Variants in GPR141 observed in about 807,000 individuals in gnomAD.
GPR141 encodes the protein probable G protein-coupled receptor 141.
In GPR141, 6 loss-of-function variants were observed where a neutral mutation model predicts 6.8. The observed-to-expected ratio is 0.88, with a 90% CI of 0.48 to 1.74. The LOEUF is 1.74. Ranked by LOEUF, GPR141 falls within the 40% of genes most tolerant of loss-of-function variation. The pLI is 0.01. For missense variants in GPR141, 372 were observed against 372.9 expected (o/e 1.00, Z 0.02); for synonymous variants, 140 against 142.3 (o/e 0.98, Z 0.11).
At chr7:37,729,677 T>G (rs1583569946) in intron 2 of GPR141, among the ~76,000 whole-genome samples, 1 of 152,184 alleles carries the variant, frequency 6.6e-6, no homozygotes. Context: ...CCCGGGGGCC[T>G]GAAGGGCTTG....
At chr7:37,734,716 A>G (rs1040825702) in intron 2 of GPR141, among the ~76,000 whole-genome samples, 2 of 152,206 alleles carry the variant, frequency 1.3e-5, no homozygotes, top group East Asian at 3.9e-4. Context: ...TACCAAGTAG[A>G]TCTTACCTAG....
rs753778300 is a variant in GPR141, at chr7:37,741,077, A to G, written c.684A>G (p.Leu228=). The G allele has an allele frequency of 3.9e-5, 63 of 1,613,860 alleles. 1 individual carries two copies. In the South Asian group the frequency reaches 5.2e-4, roughly 13 times the overall value. ...HQEFWAQLKN[L]FFIGVILVCF... ...AGTTCTGGGCTCAGCTGAAAAACCT[A>G]TTTTTTATAGGGGTCATCCTTGTTT... is the stretch of plus-strand genomic sequence containing the variant. The change falls in exon 3 of 3, where the codon CTA becomes CTG. Residue 228 remains leucine, a synonymous_variant. Transcript: ENST00000334425.
intron 2 of GPR141, among the ~76,000 whole-genome samples, chr7:37,721,204 A>G (rs1490115128): frequency 6.7e-6 from 1 of 149,376 alleles, no homozygotes; most frequent in East Asian, 1.9e-4. Context: ...TTGTTAGTTG[A>G]GTGAACCCAG....
chr7:37,692,077 A>G (rs977402333), intron 2 of GPR141, among the ~76,000 whole-genome samples: 9 of 152,094 alleles, frequency 5.9e-5, no homozygotes, highest in Non-Finnish European at 1.3e-4. Flanking sequence ...TGCATGTGCC[A>G]TGGTGGTTTG....
At chr7:37,720,602 G>A (rs1367982686) in intron 2 of GPR141, among the ~76,000 whole-genome samples, 1 of 152,050 alleles carries the variant, frequency 6.6e-6, no homozygotes, top group East Asian at 1.9e-4. Flanking sequence ...TTAGCCAGGG[G>A]TGGTGGTGGG....
intron 2 of GPR141, among the ~76,000 whole-genome samples, chr7:37,697,330 G>C (rs765289606): frequency 2.3e-4 from 35 of 152,322 alleles, no homozygotes; most frequent in Non-Finnish European, 4.7e-4. Context: ...AATGGAAAAA[G>C]AACATTGAGT....
chr7:37,739,783 G>T (rs1357933356), intron 2 of GPR141, among the ~76,000 whole-genome samples: 1 of 152,092 alleles, frequency 6.6e-6, no homozygotes. Context: ...GCTTAGCAAG[G>T]CCTCACTCAC....
At chr7:37,704,210 C>T (rs1810418606) in intron 2 of GPR141, among the ~76,000 whole-genome samples, 1 of 151,620 alleles carries the variant, frequency 6.6e-6, no homozygotes, top group Non-Finnish European at 1.5e-5. Context: ...AGTAAGTAGA[C>T]TGTGTCTTTC....
rs1812557447 is a variant in GPR141 at position 37,741,365 on chromosome 7, T to A, written c.*54T>A. ...CCTTTATATTGGGAATAAAAATGGG[T>A]ATAGGGGAGGTAAGAATGGTATTTC... On this transcript the variant is annotated 3_prime_UTR_variant, in exon 3 of 3. Coordinates refer to ENST00000334425, the MANE Select transcript of GPR141 (RefSeq NM_001381946.1). 20 of 1,291,902 alleles carry A rather than the reference T, an allele frequency of 1.5e-5. No individual in the cohort carries two copies. The highest frequency in any genetic ancestry group is 4.5e-5 in the Admixed American group (2 of 44,132). 80.0% of individuals were successfully genotyped at this position (1,291,902 alleles called of 1,614,324 possible). A position where few individuals can be genotyped will look rare whatever the true frequency, so the allele number is the denominator to read the frequency against.
intron 2 of GPR141, among the ~76,000 whole-genome samples, chr7:37,698,965 T>G (rs1810151348): frequency 6.6e-6 from 1 of 152,208 alleles, no homozygotes; most frequent in South Asian, 2.1e-4. Flanking sequence ...AAGGTGGGAT[T>G]TGAAGCCAGA....
intron 2 of GPR141, among the ~76,000 whole-genome samples, chr7:37,729,438 G>GC (rs1439292322): frequency 1.3e-5 from 2 of 152,144 alleles, no homozygotes; most frequent in African/African-American, 4.8e-5. Context: ...TCCAAATGTG[G>GC]CCATATCCAA....
intron 2 of GPR141, among the ~76,000 whole-genome samples, chr7:37,714,562 G>A (rs1308187162): frequency 1.3e-5 from 2 of 152,136 alleles, no homozygotes; most frequent in Non-Finnish European, 2.9e-5. Flanking sequence ...ACTAGTGGTC[G>A]TTTACCTAAC....
At chr7:37,718,406 C>G (rs1191363817) in intron 2 of GPR141, among the ~76,000 whole-genome samples, 1 of 151,866 alleles carries the variant, frequency 6.6e-6, no homozygotes, top group Non-Finnish European at 1.5e-5. Context: ...ACTCTAGCTA[C>G]TTGAGAGGCT....
At chr7:37,690,808 C>A (rs1809724508) in intron 2 of GPR141, among the ~76,000 whole-genome samples, 1 of 150,784 alleles carries the variant, frequency 6.6e-6, no homozygotes, top group African/African-American at 2.4e-5. Flanking sequence ...ATGAAATGTT[C>A]TGTAAATATC....
rs1467114138 is a variant in GPR141, at chr7:37,741,360, A to G, written c.*49A>G. ...TGCTTCCTTTATATTGGGAATAAAA[A>G]TGGGTATAGGGGAGGTAAGAATGGT... On this transcript the variant is annotated 3_prime_UTR_variant, in exon 3 of 3. Coordinates refer to ENST00000334425, the MANE Select transcript of GPR141 (RefSeq NM_001381946.1). The G allele has an allele frequency of 3.7e-6, 5 of 1,354,778 alleles. No individual in the cohort carries two copies. The highest frequency in any genetic ancestry group is 5.1e-6 in the Non-Finnish European group (5 of 983,242). The allele number at this position is 1,354,778 out of a possible 1,614,324, so 83.9% of individuals were successfully genotyped here.
chr7:37,728,089 C>T (rs1434547080), intron 2 of GPR141, among the ~76,000 whole-genome samples: 1 of 152,200 alleles, frequency 6.6e-6, no homozygotes, highest in East Asian at 1.9e-4. Context: ...CTTCAATGCA[C>T]CCTTCAAGAT....
intron 2 of GPR141, among the ~76,000 whole-genome samples, chr7:37,729,156 A>G (rs1811789322): frequency 6.6e-6 from 1 of 152,182 alleles, no homozygotes; most frequent in South Asian, 2.1e-4. Flanking sequence ...AAGGGCTTAC[A>G]TGTCATGGTA....
chr7:37,705,409 T>G (rs1810482072), intron 2 of GPR141, among the ~76,000 whole-genome samples: 1 of 152,196 alleles, frequency 6.6e-6, no homozygotes, highest in Non-Finnish European at 1.5e-5. Context: ...TTTATAATAT[T>G]ATTTCTATAA....
chr7:37,689,936 C>A (rs2131727867), intron 2 of GPR141, among the ~76,000 whole-genome samples: 1 of 151,020 alleles, frequency 6.6e-6, no homozygotes. Context: ...TTTCCTTCTT[C>A]TAATTTGGGG....
Sources: gnomAD v4.1 joint callset for allele counts (sites outside exome capture counted in the v4.1 genomes callset) on GRCh38, gnomAD v4.1.1 for gene constraint, MANE v1.5 for transcripts, NCBI Gene and HGNC (gene_info 2026-07-23, HGNC 2026-07-21) for gene names.